COMMD10: variants seen among roughly 807,000 people sequenced by gnomAD.
The protein encoded by COMMD10 is COMM domain containing 10.
COMMD10 carries 33 observed loss-of-function variants against 28.9 expected under a neutral mutation model. The observed-to-expected ratio is 1.14, with a 90% confidence interval of 0.87 to 1.53. The LOEUF is 1.53. Among genes scored for constraint, COMMD10 ranks in the 40% most tolerant of loss-of-function variants. COMMD10 has a pLI of 0.00. For synonymous variants in COMMD10, 110 were observed against 81.7 expected, an observed-to-expected ratio of 1.35 and a Z score of -1.87; for missense variants, 310 against 233.4, an observed-to-expected ratio of 1.33 and a Z score of -2.14.
intron 5 of COMMD10, among the ~76,000 whole-genome samples, chr5:116,277,344 T>G (rs188077220): frequency 6.6e-6 from 1 of 152,090 alleles, no homozygotes; most frequent in African/African-American, 2.4e-5. Context: ...TGAATCATAA[T>G]CAGGTAATTA....
intron 5 of COMMD10, among the ~76,000 whole-genome samples, chr5:116,206,988 T>TTTC (rs910594114): frequency 7.2e-5 from 11 of 151,996 alleles, no homozygotes; most frequent in African/African-American, 2.7e-4. Flanking sequence ...TTCTAATTTT[T>TTTC]TTCTTTTGCT....
chr5:116,186,143 T>C (rs1748128706), intron 5 of COMMD10, among the ~76,000 whole-genome samples: 1 of 152,158 alleles, frequency 6.6e-6, no homozygotes, highest in South Asian at 2.1e-4. Context: ...AATCCAAGCA[T>C]CGAATGAAGG....
At chr5:116,223,874 G>A (rs1425191902) in intron 5 of COMMD10, among the ~76,000 whole-genome samples, 2 of 152,108 alleles carry the variant, frequency 1.3e-5, no homozygotes, top group East Asian at 3.8e-4. Flanking sequence ...AAGAATGAAG[G>A]TTATTCCATT....
rs140677482 is a variant in COMMD10 at position 116,132,383 on chromosome 5, C to T, written c.400-1685C>T. Among the ~76,000 whole-genome samples the T allele has an allele frequency of 7.0e-3, 1,073 of 152,224 alleles. 6 individuals carry two copies. The highest frequency in any genetic ancestry group is 0.014 in the Middle Eastern group (4 of 294). On this transcript the variant is annotated intron_variant, in intron 4 of 6. Coordinates refer to ENST00000274458, the MANE Select transcript of COMMD10 (RefSeq NM_016144.4). Reference sequence around the variant, plus strand: ...TTGTGGCTTAGCCACGGTCACATAGCTGGTGATAGTTTAAGCATGAACCAA... The same window carrying T: ...TTGTGGCTTAGCCACGGTCACATAGTTGGTGATAGTTTAAGCATGAACCAA...
intron 5 of COMMD10, among the ~76,000 whole-genome samples, chr5:116,166,088 G>A (rs576330852): frequency 1.6e-4 from 25 of 152,222 alleles, no homozygotes; most frequent in African/African-American, 4.8e-4. Flanking sequence ...GGCCGAAAGA[G>A]CTTGCATGTT....
intron 5 of COMMD10, among the ~76,000 whole-genome samples, chr5:116,253,558 G>A (rs1164219178): frequency 7.3e-6 from 1 of 136,218 alleles, no homozygotes; most frequent in Non-Finnish European, 1.6e-5. Context: ...AGATAATCAT[G>A]TGGTTTTTGT....
intron 5 of COMMD10, among the ~76,000 whole-genome samples, chr5:116,202,054 A>C: frequency 9.6e-6 from 1 of 104,642 alleles, no homozygotes; most frequent in African/African-American, 3.8e-5. Flanking sequence ...ACCCCACAAC[A>C]GTCCCCAGAG....
At chr5:116,182,688 A>G (rs1358082349) in intron 5 of COMMD10, among the ~76,000 whole-genome samples, 1 of 152,162 alleles carries the variant, frequency 6.6e-6, no homozygotes, top group Non-Finnish European at 1.5e-5. Context: ...AAAGCCAAGT[A>G]AAAAGGGATT....
chr5:116,118,197 C>T (rs1751305464), intron 4 of COMMD10, among the ~76,000 whole-genome samples: 1 of 152,188 alleles, frequency 6.6e-6, no homozygotes, highest in Non-Finnish European at 1.5e-5. Context: ...GTCAGTGAAT[C>T]TTTCCCTGAT....
intron 5 of COMMD10, among the ~76,000 whole-genome samples, chr5:116,237,288 T>C (rs758223529): frequency 2.0e-5 from 3 of 152,142 alleles, no homozygotes; most frequent in Non-Finnish European, 4.4e-5. Context: ...GTCTAGACTT[T>C]GTAGGCTAGT....
At position 116,292,460 on chromosome 5, in the gene COMMD10, A is replaced by C. The variant is rs141415135; in HGVS notation, c.580A>C (p.Ile194Leu). ...TTGTCTTTGTAAATAGCTAGAGACTATACAAGCACAGCTGGATTCCCTTAC... is the reference window on the plus strand; with the variant it reads ...TTGTCTTTGTAAATAGCTAGAGACTCTACAAGCACAGCTGGATTCCCTTAC... ...LFDFYNKLET[I>L]QAQLDSLT The change falls in exon 7 of 7, where the codon ATA becomes CTA. Residue 194 changes from isoleucine (I) to leucine (L), a missense_variant. Physicochemically the swap from Ile to Leu is conservative, Grantham distance 5 (BLOSUM62 2). Transcript: ENST00000274458. 1.9e-6 allele frequency: 3 copies of C among 1,564,864 alleles called. No individual in the cohort carries two copies. Among genetic ancestry groups the C allele is most frequent in the Non-Finnish European group, 2.6e-6 (3 of 1,156,618 alleles).
chr5:116,105,953 A>G (rs756325109), intron 4 of COMMD10, among the ~76,000 whole-genome samples: 17 of 152,050 alleles, frequency 1.1e-4, no homozygotes, highest in African/African-American at 1.9e-4. Context: ...TCATGTCTCT[A>G]TCTCCTTCAG....
intron 5 of COMMD10, among the ~76,000 whole-genome samples, chr5:116,266,105 T>C (rs1237658401): frequency 6.6e-6 from 1 of 151,676 alleles, no homozygotes; most frequent in East Asian, 1.9e-4. Context: ...CGGCAGGATT[T>C]TGTCAAGTGA....
rs539505102 is a variant in COMMD10, at chr5:116,110,740, A to G, written c.399+18040A>G. Among the ~76,000 whole-genome samples, 265 of 152,300 alleles carry G rather than the reference A, an allele frequency of 1.7e-3. 1 individual carries two copies. The highest frequency in any genetic ancestry group is 6.0e-3 in the African/African-American group (250 of 41,568). On this transcript the variant is annotated intron_variant, in intron 4 of 6. Transcript: ENST00000274458. ...CTGGGGAGGCCTTGAGAAACAAAACAATCATAGCAAAAGGTGAAGGGGGAG... is the reference window on the plus strand; with the variant it reads ...CTGGGGAGGCCTTGAGAAACAAAACGATCATAGCAAAAGGTGAAGGGGGAG...
chr5:116,293,065 T>C lies in COMMD10; in HGVS notation c.*576T>C, dbSNP rs960103376. 1 of 397,222 alleles carries C rather than the reference T, an allele frequency of 2.5e-6. No individual in the cohort carries two copies. The highest frequency in any genetic ancestry group is 4.4e-5 in the Admixed American group (1 of 22,692). The allele number at this position is 397,222 out of a possible 1,614,324, so 24.6% of individuals were successfully genotyped here. Reference sequence around the variant, plus strand: ...GAGCTTCTCTGTCAACTTCAGTTTCTCTCTCAGTTTAATGATTTAATAATA... The same window carrying C: ...GAGCTTCTCTGTCAACTTCAGTTTCCCTCTCAGTTTAATGATTTAATAATA... On this transcript the variant is annotated 3_prime_UTR_variant, in exon 7 of 7. Transcript: ENST00000274458.
chr5:116,269,003 G>A (rs1484573360), intron 5 of COMMD10, among the ~76,000 whole-genome samples: 1 of 151,628 alleles, frequency 6.6e-6, no homozygotes, highest in Non-Finnish European at 1.5e-5. Context: ...TGTAAATGAC[G>A]AGTTAATGGG....
chr5:116,171,432 G>A (rs1383399366), intron 5 of COMMD10, among the ~76,000 whole-genome samples: 1 of 152,120 alleles, frequency 6.6e-6, no homozygotes, highest in East Asian at 1.9e-4. Flanking sequence ...ATTCCTCAGG[G>A]ATCTAGAACC....
At chr5:116,269,689 C>T (rs1750703125) in intron 5 of COMMD10, among the ~76,000 whole-genome samples, 2 of 151,716 alleles carry the variant, frequency 1.3e-5, no homozygotes, top group African/African-American at 4.9e-5. Context: ...TTCCCTTTCC[C>T]CTCAACTTTT....
intron 5 of COMMD10, among the ~76,000 whole-genome samples, chr5:116,204,759 G>T (rs1268695762): frequency 6.6e-6 from 1 of 152,110 alleles, no homozygotes; most frequent in Non-Finnish European, 1.5e-5. Context: ...ATTTGATCTT[G>T]CAATGAATGT....
Sources: allele counts gnomAD v4.1 joint callset (sites outside exome capture counted in the v4.1 genomes callset), GRCh38; gene constraint gnomAD v4.1.1; transcripts MANE v1.5; gene names NCBI Gene and HGNC (gene_info 2026-07-23, HGNC 2026-07-21).